The following NDUFAF2 variants were observed in gnomAD, a reference collection of about 807,000 sequenced individuals.
The protein encoded by NDUFAF2 is NADH:ubiquinone oxidoreductase complex assembly factor 2.
A neutral mutation model predicts 22.8 loss-of-function variants in NDUFAF2; 13 were observed. The observed-to-expected ratio is 0.57, with a 90% CI of 0.37 to 0.91. The LOEUF is 0.91. Among genes scored for constraint, NDUFAF2 ranks in the 40% least tolerant of loss-of-function variants. NDUFAF2 has a pLI of 0.01. For missense variants in NDUFAF2, 162 were observed against 195.2 expected (o/e 0.83, Z 1.01); for synonymous variants, 53 against 64.2 (o/e 0.83, Z 0.84).
rs377297171 is a variant in NDUFAF2, at chr5:61,017,714, G to A, written c.128-55411G>A. Among the ~76,000 whole-genome samples, 10 of 152,114 alleles carry A rather than the reference G, an allele frequency of 6.6e-5. No individual in the cohort carries two copies. The East Asian group carries it at 1.4e-3, about 21-fold the overall frequency. On this transcript the variant is annotated intron_variant, in intron 1 of 3. Coordinates refer to ENST00000296597, the MANE Select transcript of NDUFAF2 (RefSeq NM_174889.5). Reference sequence around the variant, plus strand: ...AGCGCAGGAGTTTGAGTTTAGCCTGGGCAACACAGGGGAGACCCTGTCTCT... The same window carrying A: ...AGCGCAGGAGTTTGAGTTTAGCCTGAGCAACACAGGGGAGACCCTGTCTCT...
intron 1 of NDUFAF2, among the ~76,000 whole-genome samples, chr5:61,061,455 A>C (rs1752164889): frequency 6.6e-6 from 1 of 152,146 alleles, no homozygotes; most frequent in Non-Finnish European, 1.5e-5. Flanking sequence ...TTTTGGTTTC[A>C]GAATTCCTTT....
intron 1 of NDUFAF2, among the ~76,000 whole-genome samples, chr5:60,994,072 C>T (rs1751196878): frequency 6.6e-6 from 1 of 152,246 alleles, no homozygotes; most frequent in Non-Finnish European, 1.5e-5. Context: ...CTCCCATGCT[C>T]ATTGGTGCCC....
intron 1 of NDUFAF2, among the ~76,000 whole-genome samples, chr5:60,973,859 G>C (rs1382966540): frequency 1.3e-5 from 2 of 152,096 alleles, no homozygotes; most frequent in African/African-American, 2.4e-5. Context: ...AGTTGGAGTA[G>C]AGTGGCATGA....
chr5:61,045,158 AGTTTT>A lies in NDUFAF2; in HGVS notation c.128-27966_128-27962del, dbSNP rs1314908031. 8.1e-3 allele frequency among the ~76,000 whole-genome samples: 901 copies of A among 110,804 alleles called. 270 individuals are homozygous for A. Among genetic ancestry groups the A allele is most frequent in the African/African-American group, 0.03 (849 of 28,128 alleles). The allele number at this position is 110,804 out of a possible 152,430, so 72.7% of individuals were successfully genotyped here. On this transcript the variant is annotated intron_variant, in intron 1 of 3. Coordinates refer to ENST00000296597, the MANE Select transcript of NDUFAF2 (RefSeq NM_174889.5). Reference sequence around the variant, plus strand: ...ATTAAATTTTAATAAAATAAAATAAAGTTTTATTAAATTTTAATAAAATAAAATAA... The same window carrying A: ...ATTAAATTTTAATAAAATAAAATAAAATTAAATTTTAATAAAATAAAATAA...
intron 1 of NDUFAF2, among the ~76,000 whole-genome samples, chr5:60,970,620 T>G (rs1750814480): frequency 6.6e-6 from 1 of 152,192 alleles, no homozygotes; most frequent in African/African-American, 2.4e-5. Context: ...ATTCCAAATA[T>G]AAGATCATAT....
chr5:61,104,605 T>G (rs1414003419), intron 3 of NDUFAF2, among the ~76,000 whole-genome samples: 1 of 152,132 alleles, frequency 6.6e-6, no homozygotes, highest in Non-Finnish European at 1.5e-5. Context: ...CTTGTTTACT[T>G]GACCATATTC....
At chr5:61,134,956 C>T (rs901922487) in intron 3 of NDUFAF2, among the ~76,000 whole-genome samples, 2 of 151,670 alleles carry the variant, frequency 1.3e-5, no homozygotes, top group African/African-American at 4.8e-5. Context: ...CAAAGAAATC[C>T]TCAACTATAT....
chr5:60,962,764 C>T (rs1411763921), intron 1 of NDUFAF2, among the ~76,000 whole-genome samples: 3 of 150,140 alleles, frequency 2.0e-5, no homozygotes, highest in Non-Finnish European at 3.0e-5. Context: ...ACCCGGGAGG[C>T]GGAGGTTGCA....
intron 1 of NDUFAF2, among the ~76,000 whole-genome samples, chr5:60,981,904 T>G (rs1410112826): frequency 3.3e-5 from 5 of 152,202 alleles, no homozygotes; most frequent in African/African-American, 1.2e-4. Flanking sequence ...TATCCATATG[T>G]AGAAAAATGA....
At chr5:61,100,720 T>C (rs192778484) in intron 3 of NDUFAF2, among the ~76,000 whole-genome samples, 3 of 152,230 alleles carry the variant, frequency 2.0e-5, no homozygotes, top group South Asian at 2.1e-4. Flanking sequence ...TTCCTTTTTT[T>C]CCTTGAAGTA....
intron 1 of NDUFAF2, among the ~76,000 whole-genome samples, chr5:60,976,552 C>A (rs1750905617): frequency 6.6e-6 from 1 of 152,106 alleles, no homozygotes; most frequent in Non-Finnish European, 1.5e-5. Context: ...TGTCTCATTT[C>A]TTTTCTTGCA....
chr5:61,114,958 A>C (rs1752892787), intron 3 of NDUFAF2: 1 of 152,408 alleles, frequency 6.6e-6, no homozygotes, highest in Non-Finnish European at 1.5e-5. Flanking sequence ...CACAGTGAGC[A>C]GGTGATGAAG....
At chr5:61,138,607 G>A (rs1365585135) in intron 3 of NDUFAF2, among the ~76,000 whole-genome samples, 1 of 152,152 alleles carries the variant, frequency 6.6e-6, no homozygotes, top group African/African-American at 2.4e-5. Context: ...TCCTCTCTAT[G>A]TTCATGAAGT....
At chr5:61,072,072 C>G (rs1228006695) in intron 1 of NDUFAF2, among the ~76,000 whole-genome samples, 6 of 152,166 alleles carry the variant, frequency 3.9e-5, no homozygotes, top group African/African-American at 9.7e-5. Flanking sequence ...TTTCATGTTT[C>G]TGCATTGCTA....
chr5:61,065,756 C>A (rs893165049), intron 1 of NDUFAF2, among the ~76,000 whole-genome samples: 8 of 151,956 alleles, frequency 5.3e-5, no homozygotes, highest in Non-Finnish European at 1.2e-4. Context: ...TGGGGAAAAA[C>A]TGAAAACGTT....
At chr5:60,945,479 C>A (rs965797580) in intron 1 of NDUFAF2, 97 bp downstream of exon 1, 6 of 1,525,404 alleles carry the variant, frequency 3.9e-6, no homozygotes, top group Non-Finnish European at 5.4e-6. Context: ...ACGCATCATG[C>A]GACACTTAGG....
At chr5:61,063,459 T>G (rs1391572603) in intron 1 of NDUFAF2, among the ~76,000 whole-genome samples, 28 of 152,086 alleles carry the variant, frequency 1.8e-4, no homozygotes, top group Admixed American at 1.8e-3. Flanking sequence ...TTCATGCCAC[T>G]GCACTCCAGC....
At chr5:60,950,476 C>T (rs113798374) in intron 1 of NDUFAF2, among the ~76,000 whole-genome samples, 3,670 of 152,152 alleles carry the variant, frequency 0.024, 63 homozygotes, top group Non-Finnish European at 0.037. Flanking sequence ...TGAGCCACCA[C>T]GCCTGGCCAC....
intron 1 of NDUFAF2, among the ~76,000 whole-genome samples, chr5:60,956,408 G>T (rs1026243845): frequency 6.6e-6 from 1 of 152,082 alleles, no homozygotes; most frequent in Non-Finnish European, 1.5e-5. Context: ...GTGAGAGTAG[G>T]CATCCTTGTC....
Sources: allele counts gnomAD v4.1 joint callset (sites outside exome capture counted in the v4.1 genomes callset), GRCh38; gene constraint gnomAD v4.1.1; transcripts MANE v1.5; gene names NCBI Gene and HGNC (gene_info 2026-07-23, HGNC 2026-07-21).